SQSTM1: variants seen among roughly 807,000 people sequenced by gnomAD.
The protein encoded by SQSTM1 is sequestosome-1.
SQSTM1 carries 36 observed loss-of-function variants against 45.1 expected under a neutral mutation model. The observed-to-expected ratio is 0.80, with a 90% CI of 0.61 to 1.05. The LOEUF (loss-of-function observed/expected upper bound fraction) is 1.05, where lower values mean the gene tolerates loss of function less well. SQSTM1 is among the 50% of genes least tolerant of loss of function. SQSTM1 has a pLI of 0.00. For missense variants in SQSTM1, 617 were observed against 607.1 expected (o/e 1.02, Z -0.17); for synonymous variants, 290 against 244.3 (o/e 1.19, Z -1.74).
chr5:179,837,308 T>C lies in SQSTM1; in HGVS notation c.*715T>C, dbSNP rs1167286608. On this transcript the variant is annotated 3_prime_UTR_variant, in exon 8 of 8. Coordinates refer to ENST00000389805, the MANE Select transcript of SQSTM1 (RefSeq NM_003900.5). ...CAGTAAGTTTATTGTTAATGGTTCT[T>C]ACAGAGTATCTTTAAAAGTGCCTTA... 1.2e-6 allele frequency: 2 copies of C among 1,600,116 alleles called. No homozygotes were observed. The highest frequency in any genetic ancestry group is 1.7e-6 in the Non-Finnish European group (2 of 1,173,306).
intron 1 of SQSTM1, among the ~76,000 whole-genome samples, chr5:179,811,341 G>C (rs1757391633): frequency 7.5e-6 from 1 of 133,532 alleles, no homozygotes; most frequent in African/African-American, 2.8e-5. Flanking sequence ...AGGGGGAGGA[G>C]CTATGCAGGG....
intron 1 of SQSTM1, among the ~76,000 whole-genome samples, chr5:179,810,696 C>A (rs1235386429): frequency 2.0e-5 from 3 of 152,220 alleles, no homozygotes; most frequent in Non-Finnish European, 4.4e-5. Context: ...GCTACACTGA[C>A]TTCCACAATG....
At position 179,825,244 on chromosome 5, in the gene SQSTM1, C is replaced by T. The variant is rs1273619140; in HGVS notation, c.754+18C>T. The T allele has an allele frequency of 6.2e-7, 1 of 1,600,622 alleles. No homozygotes were observed. Among genetic ancestry groups the T allele is most frequent in the East Asian group, 2.2e-5 (1 of 44,824 alleles). ...CCCTCTGGGTGAGTGCACCTCCTTGCCCAGTGCTTCCCTAACTCAGCCTGC... is the reference window on the plus strand; with the variant it reads ...CCCTCTGGGTGAGTGCACCTCCTTGTCCAGTGCTTCCCTAACTCAGCCTGC... On this transcript the variant is annotated intron_variant, in intron 5 of 7. Transcript: ENST00000389805.
rs1332704873 is a variant in SQSTM1 at position 179,806,577 on chromosome 5, G to C, written c.-171G>C. On this transcript the variant is annotated 5_prime_UTR_variant, in exon 1 of 6. Transcript: ENST00000514093. This position sits in a 1 kb window ranked among gnomAD's most constrained non-coding sequence, Gnocchi z 4.6. ...AGCGTCAGGAAGGTGCCATTGCGGAGCCTCATCTCCTCGGGTGCGCGGCGG... is the reference window on the plus strand; with the variant it reads ...AGCGTCAGGAAGGTGCCATTGCGGACCCTCATCTCCTCGGGTGCGCGGCGG... 3 of 1,283,532 alleles carry C rather than the reference G, an allele frequency of 2.3e-6. No homozygotes were observed. The highest frequency in any genetic ancestry group is 3.0e-6 in the Non-Finnish European group (3 of 987,274). The allele number at this position is 1,283,532 out of a possible 1,614,324, so 79.5% of individuals were successfully genotyped here. A position where few individuals can be genotyped will look rare whatever the true frequency, so the allele number is the denominator to read the frequency against.
At chr5:179,826,982 A>T (rs963342193) in intron 5 of SQSTM1, among the ~76,000 whole-genome samples, 2 of 152,200 alleles carry the variant, frequency 1.3e-5, no homozygotes, top group African/African-American at 4.8e-5. Flanking sequence ...CTCACTCTGG[A>T]CGTAGTAAAG....
Position 179,836,729 on chromosome 5 carries a change from T to C in SQSTM1, c.*136T>C, listed in dbSNP as rs1179026432. On this transcript the variant is annotated 3_prime_UTR_variant, in exon 8 of 8. Transcript: ENST00000389805. ...TCAGGGGTTAGGGTGCAAGAAGCCA[T>C]TTAGGGCAGCAAAACAAGTGACATG... is the stretch of plus-strand genomic sequence containing the variant. 3 of 1,336,816 alleles carry C rather than the reference T, an allele frequency of 2.2e-6. No individual in the cohort carries two copies. The highest frequency in any genetic ancestry group is 3.2e-6 in the Non-Finnish European group (3 of 935,752). 82.8% of individuals were successfully genotyped at this position (1,336,816 alleles called of 1,614,324 possible). A position where few individuals can be genotyped will look rare whatever the true frequency, so the allele number is the denominator to read the frequency against.
chr5:179,833,527 A>G, intron 6 of SQSTM1, 60 bp from the exon 7 acceptor site: 6 of 1,583,422 alleles, frequency 3.8e-6, no homozygotes, highest in Non-Finnish European at 5.2e-6. Context: ...AGCCAGGGCC[A>G]TGGTCAGGCT....
rs764205744 is a variant in SQSTM1 at position 179,833,127 on chromosome 5, T to A, written c.850T>A (p.Ser284Thr). The change falls in exon 6 of 8, where the codon TCA (serine) becomes ACA (threonine). Residue 284 changes from serine to threonine, a missense_variant. Transcript: ENST00000389805. ...ESSSTEEKSS[S>T]QPSSCCSDPS... ...TTCCAGCACAGAGGAGAAGAGCAGC[T>A]CACAGCCAAGCAGCTGCTGCTCTGA... The A allele has an allele frequency of 6.2e-7, 1 of 1,614,164 alleles. No homozygotes were observed. Among genetic ancestry groups the A allele is most frequent in the African/African-American group, 1.3e-5 (1 of 75,050 alleles).
chr5:179,807,490 G>T (rs1757224690), intron 1 of SQSTM1: 1 of 152,296 alleles, frequency 6.6e-6, no homozygotes, highest in African/African-American at 2.4e-5. Flanking sequence ...GCCCAGAACC[G>T]TACCGGCTTC....
At chr5:179,832,126 A>T (rs887887204) in intron 5 of SQSTM1, among the ~76,000 whole-genome samples, 1 of 152,126 alleles carries the variant, frequency 6.6e-6, no homozygotes, top group African/African-American at 2.4e-5. Flanking sequence ...TGGAAAGGGT[A>T]GTGGAAGGAG....
chr5:179,823,822 G>T, intron 2 of SQSTM1, 36 bp from the exon 3 acceptor site: 1 of 1,602,572 alleles, frequency 6.2e-7, no homozygotes, highest in South Asian at 1.1e-5. Flanking sequence ...ACTTTAGGGG[G>T]TCCCACCCTA....
rs769319285 is a variant in SQSTM1, at chr5:179,837,634, C to G, written c.*1041C>G. The G allele has an allele frequency of 6.2e-7, 1 of 1,614,212 alleles. No individual in the cohort carries two copies. Among genetic ancestry groups the G allele is most frequent in the Admixed American group, 1.7e-5 (1 of 60,024 alleles). ...AGGCCTGTGCTCTGGGGGTCCCTTGCTTAGCCTGTGCTGGACCAGCTGGCC... is the reference window on the plus strand; with the variant it reads ...AGGCCTGTGCTCTGGGGGTCCCTTGGTTAGCCTGTGCTGGACCAGCTGGCC... On this transcript the variant is annotated 3_prime_UTR_variant, in exon 8 of 8. Transcript: ENST00000389805.
At chr5:179,835,927 G>A in intron 7 of SQSTM1, 1 of 220,110 alleles carries the variant, frequency 4.5e-6, no homozygotes. Flanking sequence ...GGGCAGTTAG[G>A]TTGGTTCCAC....
At chr5:179,829,979 G>C (rs528680279) in intron 5 of SQSTM1, among the ~76,000 whole-genome samples, 3 of 152,286 alleles carry the variant, frequency 2.0e-5, no homozygotes, top group African/African-American at 7.2e-5. Flanking sequence ...GCATGGAGTT[G>C]TGTACTTATG....
intron 5 of SQSTM1, among the ~76,000 whole-genome samples, chr5:179,831,886 C>T (rs1269755641): frequency 8.6e-5 from 13 of 151,726 alleles, no homozygotes; most frequent in Admixed American, 7.2e-4. Flanking sequence ...CAGGTTCAAG[C>T]GATTCTTCTG....
At chr5:179,829,051 C>T (rs904485910) in intron 5 of SQSTM1, among the ~76,000 whole-genome samples, 4 of 152,184 alleles carry the variant, frequency 2.6e-5, no homozygotes, top group Non-Finnish European at 4.4e-5. Context: ...GGTTGAAAAC[C>T]TCTAGGGAGT....
At chr5:179,822,470 G>A (rs999546799) in intron 1 of SQSTM1, 10 of 250,572 alleles carry the variant, frequency 4.0e-5, no homozygotes, top group Admixed American at 2.5e-4. Context: ...ATACAAATAC[G>A]TGTCTTTCAG....
intron 5 of SQSTM1, among the ~76,000 whole-genome samples, chr5:179,825,674 G>A (rs1757959612): frequency 6.6e-6 from 1 of 152,200 alleles, no homozygotes; most frequent in South Asian, 2.1e-4. Flanking sequence ...TGGTGCTTCT[G>A]AGTGCTGGGC....
chr5:179,818,644 C>T (rs1757654944), upstream of SQSTM1, among the ~76,000 whole-genome samples: 1 of 152,194 alleles, frequency 6.6e-6, no homozygotes, highest in African/African-American at 2.4e-5. Context: ...ACTCTTCCAC[C>T]TCAGCCCCCC....
Sources: gnomAD v4.1 joint callset for allele counts (sites outside exome capture counted in the v4.1 genomes callset) on GRCh38, gnomAD v4.1.1 for gene constraint, Gnocchi (gnomAD v3.1) non-coding constraint, MANE v1.5 for transcripts, NCBI Gene and HGNC (gene_info 2026-07-23, HGNC 2026-07-21) for gene names.